The following ZNF710 variants were observed in gnomAD, a reference collection of about 807,000 sequenced individuals.
The protein encoded by ZNF710 is zinc finger protein 710.
A neutral mutation model predicts 50.6 loss-of-function variants in ZNF710; 13 were observed. The ratio of observed to expected loss-of-function variants is 0.26; its 90% CI spans 0.17 to 0.41. ZNF710 has a LOEUF of 0.41. ZNF710 is among the 10% of genes least tolerant of loss of function. The pLI, the probability that ZNF710 is intolerant of heterozygous loss-of-function variation, is 1.00. For missense variants in ZNF710, 721 were observed against 936.6 expected (o/e 0.77, Z 3.01); for synonymous variants, 383 against 397.0 (o/e 0.96, Z 0.42).
At chr15:90,021,043 C>T (rs1350984110) in intron 1 of ZNF710, among the ~76,000 whole-genome samples, 2 of 151,118 alleles carry the variant, frequency 1.3e-5, no homozygotes, top group African/African-American at 4.9e-5. Context: ...GGGACGTCAG[C>T]TCCAAGGGTG....
rs1042049844 is a variant in ZNF710 at position 90,045,494 on chromosome 15, G to C, written c.-28-21616G>C. 3.7e-6 allele frequency: 3 copies of C among 800,836 alleles called. No homozygotes were observed. In the African/African-American group the frequency reaches 5.6e-5, roughly 15 times the overall value. 49.6% of individuals were successfully genotyped at this position (800,836 alleles called of 1,614,324 possible). ...AAGCCATGAGAGATGGTTTCTCTGA[G>C]GGAGTCCACTCAGGCCAAGGCCTGA... On this transcript the variant is annotated intron_variant, in intron 1 of 4. Transcript: ENST00000268154.
Position 90,068,214 on chromosome 15 carries a change from C to A in ZNF710, c.1077C>A (p.Ala359=), listed in dbSNP as rs574196974. 2.5e-6 allele frequency: 4 copies of A among 1,613,740 alleles called. No individual in the cohort carries two copies. The South Asian group carries it at 4.4e-5, about 18-fold the overall frequency. ...ACAAGTGCCAGGTATGCCACAAGGC[C>A]TTCACGCAGACCAGCCACCTCAAGC... is the stretch of plus-strand genomic sequence containing the variant. ...RPHKCQVCHK[A]FTQTSHLKRH... Residue 359 remains alanine (A), a synonymous_variant, in exon 2 of 5, where the codon GCC becomes GCA. Coordinates refer to ENST00000268154, the MANE Select transcript of ZNF710 (RefSeq NM_198526.4). The surrounding 1 kb of genome is among the most constrained non-coding windows in gnomAD (Gnocchi z 5.0).
chr15:90,070,335 T>C (rs991535222), intron 2 of ZNF710, among the ~76,000 whole-genome samples: 1 of 149,648 alleles, frequency 6.7e-6, no homozygotes, highest in Admixed American at 6.7e-5. Context: ...CACTCTAGCC[T>C]GGGCAACATA....
At chr15:90,057,467 G>A (rs141923317) in intron 1 of ZNF710, among the ~76,000 whole-genome samples, 44 of 152,016 alleles carry the variant, frequency 2.9e-4, no homozygotes, top group African/African-American at 9.7e-4. Context: ...AGGCCAAGCT[G>A]GGTGGATCAC....
At chr15:90,074,515 T>TA (rs1479762859) in intron 4 of ZNF710, 2 of 1,494,962 alleles carry the variant, frequency 1.3e-6, no homozygotes, top group Admixed American at 4.0e-5. Flanking sequence ...AACAATATAA[T>TA]AAAAATCATA....
intron 1 of ZNF710, among the ~76,000 whole-genome samples, chr15:90,050,992 A>C (rs1160906675): frequency 1.3e-5 from 2 of 152,286 alleles, no homozygotes; most frequent in East Asian, 3.9e-4. Context: ...TAATCCCAGC[A>C]CTTTGGGAGG....
At chr15:90,008,453 T>TACACAC (rs1898208603) in intron 1 of ZNF710, among the ~76,000 whole-genome samples, 1 of 127,940 alleles carries the variant, frequency 7.8e-6, no homozygotes, top group Admixed American at 7.3e-5. Context: ...TATATATATA[T>TACACAC]GTATATATAT....
chr15:90,073,156 G>A lies in ZNF710; in HGVS notation c.1544G>A (p.Ser515Asn), dbSNP rs1224965632. The change falls in exon 3 of 5, where the codon AGC (serine) becomes AAC (asparagine). Residue 515 changes from serine to asparagine, a missense_variant. Physicochemically the swap from Ser to Asn is conservative, Grantham distance 46. This residue lies in a region of ZNF710 where 326 missense variants were observed against 522.0 expected (regional missense o/e 0.62). Coordinates refer to ENST00000268154, the MANE Select transcript of ZNF710 (RefSeq NM_198526.4). ...NMKRHMLIHT[S>N]VRPYQCHICF... The stretch of plus-strand genomic sequence containing the variant: ...AAGCGGCACATGCTGATCCACACCA[G>A]CGTCCGGCCCTACCAGTGCCACATC... 6.2e-7 allele frequency: 1 copy of A among 1,614,178 alleles called. No homozygotes were observed.
intron 1 of ZNF710, among the ~76,000 whole-genome samples, chr15:90,042,143 C>T (rs1448100334): frequency 6.6e-6 from 1 of 152,026 alleles, no homozygotes; most frequent in Admixed American, 6.5e-5. Flanking sequence ...GTGATCCACC[C>T]GCCTCAGCCT....
At chr15:90,000,858 T>TG (rs202060107), upstream of ZNF710, among the ~76,000 whole-genome samples, 83 of 151,100 alleles carry the variant, frequency 5.5e-4, 1 homozygote, top group South Asian at 1.0e-3. Flanking sequence ...TGGCTTCCCT[T>TG]GGGGGGGGCG....
At chr15:90,038,825 C>T (rs186124057) in intron 1 of ZNF710, among the ~76,000 whole-genome samples, 8 of 151,696 alleles carry the variant, frequency 5.3e-5, no homozygotes, top group Admixed American at 2.0e-4. Context: ...GTTAAGTTTG[C>T]ATAGTTTCAA....
intron 1 of ZNF710, among the ~76,000 whole-genome samples, chr15:90,047,648 G>A (rs1386031364): frequency 1.3e-5 from 2 of 149,214 alleles, no homozygotes; most frequent in Non-Finnish European, 3.0e-5. Context: ...GTAGTGGTGC[G>A]ATCTCAGCTC....
intron 1 of ZNF710, among the ~76,000 whole-genome samples, chr15:90,057,337 G>T (rs1899850572): frequency 6.6e-6 from 1 of 152,108 alleles, no homozygotes; most frequent in African/African-American, 2.4e-5. Context: ...CTGGGGTGGG[G>T]AGGGGCCTCC....
chr15:90,046,263 G>A lies in ZNF710; in HGVS notation c.-28-20847G>A, dbSNP rs574965396. On this transcript the variant is annotated intron_variant, in intron 1 of 4. Transcript: ENST00000268154. ...GAACCCTGTGTGCCCTTCCTCCTGC[G>A]TACCCAGCTCAGTGCCCAGCCCATA... Among the ~76,000 whole-genome samples the A allele has an allele frequency of 9.8e-5, 15 of 152,298 alleles. No individual in the cohort carries two copies. The East Asian group carries it at 1.4e-3, about 14-fold the overall frequency.
chr15:90,058,418 A>C (rs994143271), intron 1 of ZNF710, among the ~76,000 whole-genome samples: 1 of 152,146 alleles, frequency 6.6e-6, no homozygotes, highest in African/African-American at 2.4e-5. Flanking sequence ...AGGTGCTCAG[A>C]GAAGAGCAAA....
intron 1 of ZNF710, chr15:90,006,926 G>A: frequency 6.5e-6 from 1 of 154,772 alleles, no homozygotes; most frequent in Non-Finnish European, 1.5e-5. Context: ...CGCTGGGAAA[G>A]TCACCCTGGG....
chr15:90,017,598 T>C (rs1312427693), intron 1 of ZNF710, among the ~76,000 whole-genome samples: 1 of 151,942 alleles, frequency 6.6e-6, no homozygotes, highest in Admixed American at 6.6e-5. Context: ...ATGTCCAACA[T>C]CCTGTCACTA....
upstream of ZNF710, among the ~76,000 whole-genome samples, chr15:90,000,074 G>A (rs948524737): frequency 2.6e-5 from 4 of 151,862 alleles, no homozygotes; most frequent in Admixed American, 2.6e-4. Context: ...TGCAGCCCCA[G>A]TCCGAGGGCC....
At position 90,080,087 on chromosome 15, in the gene ZNF710, C is replaced by T. The variant is rs190307756; in HGVS notation, c.*258C>T. 91 of 366,374 alleles carry T rather than the reference C, an allele frequency of 2.5e-4. No homozygotes were observed. The highest frequency in any genetic ancestry group is 2.0e-5 in the Non-Finnish European group (4 of 205,120). The allele number at this position is 366,374 out of a possible 1,614,324, so 22.7% of individuals were successfully genotyped here. A position where few individuals can be genotyped will look rare whatever the true frequency, so the allele number is the denominator to read the frequency against. The stretch of plus-strand genomic sequence containing the variant: ...CACGCGAGGCCCAGATCTGGGTCTC[C>T]CTGGCCTGCTTCCGTGGGGAGTGGG... On this transcript the variant is annotated 3_prime_UTR_variant, in exon 5 of 5. Coordinates refer to ENST00000268154, the MANE Select transcript of ZNF710 (RefSeq NM_198526.4).
Sources: allele counts gnomAD v4.1 joint callset (sites outside exome capture counted in the v4.1 genomes callset), GRCh38; gene constraint gnomAD v4.1.1; regional missense constraint gnomAD v4.1.1; non-coding constraint Gnocchi (gnomAD v3.1); transcripts MANE v1.5; gene names NCBI Gene and HGNC (gene_info 2026-07-23, HGNC 2026-07-21).